The following NMNAT2 variants were observed in gnomAD, a reference collection of about 807,000 sequenced individuals.
NMNAT2 encodes nicotinamide/nicotinic acid mononucleotide adenylyltransferase 2.
Under a neutral mutation model 41.6 loss-of-function variants are expected in NMNAT2, and 11 were observed. The ratio of observed to expected loss-of-function variants is 0.26; its 90% CI spans 0.17 to 0.44. The LOEUF (loss-of-function observed/expected upper bound fraction) is 0.44. Ranked by LOEUF, NMNAT2 falls within the 20% of genes least tolerant of loss-of-function variation. The pLI is 1.00. For missense variants in NMNAT2, 288 were observed against 407.7 expected, an observed-to-expected ratio of 0.71 and a Z score of 2.53; for synonymous variants, 148 against 151.2, an observed-to-expected ratio of 0.98 and a Z score of 0.16.
chr1:183,274,040 G>A (rs1661062320), intron 8 of NMNAT2, among the ~76,000 whole-genome samples: 1 of 151,868 alleles, frequency 6.6e-6, no homozygotes, highest in Non-Finnish European at 1.5e-5. Context: ...AGCCACCGGA[G>A]TAGCTGGGAT....
At chr1:183,401,320 A>G (rs2101926583) in intron 1 of NMNAT2, among the ~76,000 whole-genome samples, 1 of 152,366 alleles carries the variant, frequency 6.6e-6, no homozygotes, top group African/African-American at 2.4e-5. Flanking sequence ...AAAAATGCTC[A>G]TCATCACTGG....
chr1:183,355,633 G>T (rs920615935), intron 1 of NMNAT2, among the ~76,000 whole-genome samples: 1 of 152,212 alleles, frequency 6.6e-6, no homozygotes, highest in Non-Finnish European at 1.5e-5. Flanking sequence ...ATTAATAGAT[G>T]TGCATTACAT....
At chr1:183,406,323 CAG>C (rs1214256371) in intron 1 of NMNAT2, among the ~76,000 whole-genome samples, 1 of 152,120 alleles carries the variant, frequency 6.6e-6, no homozygotes, top group Non-Finnish European at 1.5e-5. Flanking sequence ...GGTGCTGGGA[CAG>C]AGTAGCTGTC....
rs547497158 is a variant in NMNAT2 at position 183,418,014 on chromosome 1, G to C, written c.85+169C>G. Reference sequence around the variant, plus strand: ...GTGACGCCTCGGAAACGCAGTCTGCGTACCCTCCCCTGAGTCCAAAATGAA... The same window carrying C: ...GTGACGCCTCGGAAACGCAGTCTGCCTACCCTCCCCTGAGTCCAAAATGAA... On this transcript the variant is annotated intron_variant, in intron 1 of 10. Transcript: ENST00000287713. Among the ~76,000 whole-genome samples, 16 of 152,152 alleles carry C rather than the reference G, an allele frequency of 1.1e-4. No individual in the cohort carries two copies. The East Asian group carries it at 1.5e-3, about 15-fold the overall frequency.
chr1:183,366,462 C>G (rs1245071364), intron 1 of NMNAT2, among the ~76,000 whole-genome samples: 2 of 152,238 alleles, frequency 1.3e-5, no homozygotes, highest in Non-Finnish European at 2.9e-5. Flanking sequence ...AAGCTAAGCA[C>G]TCTGCTAGCC....
rs563313599 is a variant in NMNAT2 at position 183,284,039 on chromosome 1, T to A, written c.530A>T (p.Asp177Val). 6.2e-7 allele frequency: 1 copy of A among 1,612,424 alleles called. No individual in the cohort carries two copies. The highest frequency in any genetic ancestry group is 1.3e-5 in the African/African-American group (1 of 74,932). The change falls in exon 7 of 11, where the codon GAT becomes GTT. Residue 177 changes from aspartate to valine, a missense_variant and splice_region_variant. Transcript: ENST00000287713. ...RPPVERFTFV[D>V]ENANLGTVMR... The stretch of plus-strand genomic sequence containing the variant: ...CACCGTGCCCAGATTGGCATTCTCA[T>A]CTAAGGAGGAAAGAAGGAAGGTAGG...
At chr1:183,254,136 G>A (rs2485933) in intron 10 of NMNAT2, among the ~76,000 whole-genome samples, 5,668 of 152,136 alleles carry the variant, frequency 0.037, 359 homozygotes, top group African/African-American at 0.13. Context: ...TGACAGTTCC[G>A]TTTTTAATCT....
intron 1 of NMNAT2, among the ~76,000 whole-genome samples, chr1:183,396,268 T>G (rs1648647262): frequency 6.6e-6 from 1 of 152,162 alleles, no homozygotes. Context: ...AGGTCTCCCC[T>G]GCCCTACCAG....
rs200161340 is a variant in NMNAT2, at chr1:183,249,385, G to A, written c.*3256C>T. On this transcript the variant is annotated 3_prime_UTR_variant, in exon 11 of 11. Coordinates refer to ENST00000287713, the MANE Select transcript of NMNAT2 (RefSeq NM_015039.4). Reference sequence around the variant, plus strand: ...ATCAGCCACTTTCAGAAAAATGGGAGAGACATTTTTTGCTGGTGAACAGGA... The same window carrying A: ...ATCAGCCACTTTCAGAAAAATGGGAAAGACATTTTTTGCTGGTGAACAGGA... The A allele has an allele frequency of 1.3e-5, 2 of 152,172 alleles. No individual in the cohort carries two copies. The highest frequency in any genetic ancestry group is 2.9e-5 in the Non-Finnish European group (2 of 68,048). The allele number at this position is 152,172 out of a possible 1,614,324, so 9.4% of individuals were successfully genotyped here.
At chr1:183,304,313 TA>T (rs1661942097) in intron 1 of NMNAT2, among the ~76,000 whole-genome samples, 1 of 152,000 alleles carries the variant, frequency 6.6e-6, no homozygotes, top group East Asian at 1.9e-4. Flanking sequence ...TAGAAGAAGG[TA>T]AGGCTGGAAA....
At chr1:183,273,388 C>A (rs1201633665) in intron 8 of NMNAT2, among the ~76,000 whole-genome samples, 1 of 152,194 alleles carries the variant, frequency 6.6e-6, no homozygotes, top group East Asian at 1.9e-4. Context: ...CTCGGGGCAC[C>A]CGATAATAAA....
chr1:183,385,690 C>G (rs562034048), intron 1 of NMNAT2, among the ~76,000 whole-genome samples: 11 of 152,090 alleles, frequency 7.2e-5, no homozygotes, highest in African/African-American at 2.7e-4. Flanking sequence ...TTTGGCCACC[C>G]ATACATTTAG....
chr1:183,388,635 T>C (rs1209803468), intron 1 of NMNAT2, among the ~76,000 whole-genome samples: 1 of 152,254 alleles, frequency 6.6e-6, no homozygotes, highest in Non-Finnish European at 1.5e-5. Context: ...CTGTCTTTAA[T>C]AAAGAAGACT....
Position 183,341,739 on chromosome 1 carries a change from AAAAAAAAAC to A in NMNAT2, c.86-47955_86-47947del, listed in dbSNP as rs1188550542. Among the ~76,000 whole-genome samples, 169 of 141,450 alleles carry A rather than the reference AAAAAAAAAC, an allele frequency of 1.2e-3. 16 individuals carry two copies. The highest frequency in any genetic ancestry group is 2.2e-3 in the Non-Finnish European group (142 of 65,308). 92.8% of individuals were successfully genotyped at this position (141,450 alleles called of 152,430 possible). On this transcript the variant is annotated intron_variant, in intron 1 of 10. Coordinates refer to ENST00000287713, the MANE Select transcript of NMNAT2 (RefSeq NM_015039.4). Reference sequence around the variant, plus strand: ...CAAACAAACACCAAAAAAAAAAAAAAAAAAAAAACCTGTTTCCTTCACTCCAGGTTACTT... The same window carrying A: ...CAAACAAACACCAAAAAAAAAAAAAACTGTTTCCTTCACTCCAGGTTACTT...
rs2102280947 is a variant in NMNAT2, at chr1:183,261,036, G to T, written c.787C>A (p.His263Asn). ...NIMVVKDDINHPMSVVSSTKS... is the reference protein window; with the variant it reads ...NIMVVKDDINNPMSVVSSTKS... ...GTTGAGCTGACAACAGACATGGGAT[G>T]GTTGATGTCATCCTTCACCACCATG... The change falls in exon 10 of 11, where the codon CAT (histidine) becomes AAT (asparagine). Residue 263 changes from histidine (H) to asparagine (N), a missense_variant. By Grantham distance (68) the His-to-Asn change is moderately conservative. Transcript: ENST00000287713. 6.2e-7 allele frequency: 1 copy of T among 1,613,976 alleles called. No homozygotes were observed. Among genetic ancestry groups the T allele is most frequent in the Non-Finnish European group, 8.5e-7 (1 of 1,179,912 alleles).
At position 183,396,293 on chromosome 1, in the gene NMNAT2, A is replaced by T. The variant is rs562435554; in HGVS notation, c.85+21890T>A. ...TGCCCTACCAGGAATGTCAGGCAACAATCAGGTGATGGTCAGGCGGTTGTT... is the reference window on the plus strand; with the variant it reads ...TGCCCTACCAGGAATGTCAGGCAACTATCAGGTGATGGTCAGGCGGTTGTT... On this transcript the variant is annotated intron_variant, in intron 1 of 10. Coordinates refer to ENST00000287713, the MANE Select transcript of NMNAT2 (RefSeq NM_015039.4). Among the ~76,000 whole-genome samples, 6 of 152,244 alleles carry T rather than the reference A, an allele frequency of 3.9e-5. No homozygotes were observed. In the East Asian group the frequency reaches 1.2e-3, roughly 29 times the overall value.
In NMNAT2 at chr1:183,337,569, CAAAAAAAA is replaced by C. The variant is rs71127343; in HGVS notation, c.86-43784_86-43777del. ...AATCTTAACCACCTCCTCTCCACAG[CAAAAAAAA>C]AAAAAAAAAAAATACCATACATTTG... On this transcript the variant is annotated intron_variant, in intron 1 of 10. Coordinates refer to ENST00000287713, the MANE Select transcript of NMNAT2 (RefSeq NM_015039.4). Among the ~76,000 whole-genome samples the C allele has an allele frequency of 3.0e-5, 3 of 100,652 alleles. No individual in the cohort carries two copies. The South Asian group carries it at 1.0e-3, about 35-fold the overall frequency. The allele number at this position is 100,652 out of a possible 152,430, so 66.0% of individuals were successfully genotyped here. A position where few individuals can be genotyped will look rare whatever the true frequency, so the allele number is the denominator to read the frequency against.
intron 1 of NMNAT2, among the ~76,000 whole-genome samples, chr1:183,331,477 C>A (rs371138378): frequency 7.1e-4 from 108 of 152,304 alleles, no homozygotes; most frequent in African/African-American, 2.6e-3. Context: ...GATTTGGTCT[C>A]CAACAAGGGG....
intron 1 of NMNAT2, among the ~76,000 whole-genome samples, chr1:183,394,927 C>T (rs1648591740): frequency 6.6e-6 from 1 of 152,212 alleles, no homozygotes; most frequent in South Asian, 2.1e-4. Context: ...GTCCACATGT[C>T]TGCAGGCCTC....
Sources: allele counts gnomAD v4.1 joint callset (sites outside exome capture counted in the v4.1 genomes callset), GRCh38; gene constraint gnomAD v4.1.1; transcripts MANE v1.5; gene names NCBI Gene and HGNC (gene_info 2026-07-23, HGNC 2026-07-21).